The following VGLL4 variants were observed in gnomAD, a reference collection of about 807,000 sequenced individuals.
The protein encoded by VGLL4 is vestigial like family member 4, also known as transcription cofactor vestigial-like protein 4.
VGLL4 carries 7 observed loss-of-function variants against 21.0 expected under a neutral mutation model. That is an observed-to-expected ratio of 0.33 (90% CI 0.19 to 0.63). VGLL4 has a LOEUF of 0.63. Among genes scored for constraint, VGLL4 ranks in the 20% least tolerant of loss-of-function variants. The pLI is 0.78. For synonymous variants in VGLL4, 222 were observed against 173.2 expected, an observed-to-expected ratio of 1.28 and a Z score of -2.21; for missense variants, 394 against 425.7, an observed-to-expected ratio of 0.93 and a Z score of 0.66.
chr3:11,581,493 C>T (rs555063523), intron 2 of VGLL4, among the ~76,000 whole-genome samples: 30 of 152,282 alleles, frequency 2.0e-4, no homozygotes, highest in African/African-American at 6.5e-4. Flanking sequence ...TCACTTACTC[C>T]ACTCTCCATT....
intron 2 of VGLL4, among the ~76,000 whole-genome samples, chr3:11,656,885 G>C (rs796914085): frequency 3.3e-5 from 5 of 152,318 alleles, no homozygotes; most frequent in African/African-American, 1.2e-4. Flanking sequence ...TCAGATGCCA[G>C]GAAAGAGAAG....
intron 1 of VGLL4, among the ~76,000 whole-genome samples, chr3:11,642,722 G>C (rs1180855200): frequency 6.6e-6 from 1 of 152,192 alleles, no homozygotes; most frequent in Non-Finnish European, 1.5e-5. Flanking sequence ...AGCACCTCGC[G>C]GGCAGTAGGA....
intron 2 of VGLL4, among the ~76,000 whole-genome samples, chr3:11,691,022 G>C (rs1031773707): frequency 6.6e-6 from 1 of 151,778 alleles, no homozygotes; most frequent in Non-Finnish European, 1.5e-5. Flanking sequence ...AACTATACAC[G>C]TATCTAAATC....
At chr3:11,671,289 T>C (rs2076211476) in intron 2 of VGLL4, 2 of 1,596,176 alleles carry the variant, frequency 1.3e-6, no homozygotes, top group Non-Finnish European at 1.7e-6. Context: ...TGTCTCCAAC[T>C]TTTGAGTGCA....
intron 3 of VGLL4, 137 bp from the exon 4 acceptor site, chr3:11,559,592 G>A (rs777091267): frequency 4.6e-6 from 6 of 1,310,228 alleles, no homozygotes; most frequent in Non-Finnish European, 6.0e-6. Flanking sequence ...CTTCAATACT[G>A]GAGTCCTGTT....
chr3:11,591,817 G>A (rs1156951306), intron 2 of VGLL4, among the ~76,000 whole-genome samples: 2 of 152,246 alleles, frequency 1.3e-5, no homozygotes, highest in Non-Finnish European at 2.9e-5. Context: ...CAGAGAATCA[G>A]TTCCTCGGTG....
chr3:11,692,242 T>G (rs2125393878), intron 2 of VGLL4, among the ~76,000 whole-genome samples: 1 of 152,332 alleles, frequency 6.6e-6, no homozygotes, highest in African/African-American at 2.4e-5. Flanking sequence ...CCAGTGGATA[T>G]CCAATTTCTA....
intron 2 of VGLL4, among the ~76,000 whole-genome samples, chr3:11,669,716 A>G (rs3856804): frequency 0.29 from 44,426 of 151,834 alleles, 6,639 homozygotes; most frequent in South Asian, 0.37. Context: ...GTATCGCTCT[A>G]TAGCCCAGGC....
intron 2 of VGLL4, among the ~76,000 whole-genome samples, chr3:11,675,495 T>G (rs2076277547): frequency 6.6e-6 from 1 of 152,236 alleles, no homozygotes; most frequent in Non-Finnish European, 1.5e-5. Flanking sequence ...CCAACTCAGA[T>G]GTGTTTGTTC....
At chr3:11,670,849 C>T (rs2076200395) in intron 2 of VGLL4, among the ~76,000 whole-genome samples, 1 of 152,076 alleles carries the variant, frequency 6.6e-6, no homozygotes, top group Admixed American at 6.5e-5. Flanking sequence ...ACCAGCCTGG[C>T]CAACATGATG....
intron 2 of VGLL4, among the ~76,000 whole-genome samples, chr3:11,567,164 G>C (rs144646193): frequency 2.0e-5 from 3 of 152,116 alleles, no homozygotes; most frequent in Non-Finnish European, 4.4e-5. Flanking sequence ...TTAGTGACCC[G>C]AGGCGTTCCG....
intron 2 of VGLL4, among the ~76,000 whole-genome samples, chr3:11,685,034 C>G (rs114615672): frequency 0.031 from 4,687 of 152,096 alleles, 234 homozygotes; most frequent in African/African-American, 0.11. Flanking sequence ...CTCTTTGTGT[C>G]ATGAGTTCTC....
At chr3:11,671,527 G>A (rs2076216907) in intron 2 of VGLL4, 5 of 597,238 alleles carry the variant, frequency 8.4e-6, no homozygotes, top group Non-Finnish European at 1.5e-5. Context: ...GCCCTGCAGA[G>A]CCCACCTGTA....
At position 11,702,543 on chromosome 3, in the gene VGLL4, C is replaced by T. The variant is rs1448863415; in HGVS notation, c.64+428G>A. ...ACTTGGGAGGCTGAGGCAGCAGAAT[C>T]ACTTGAACCTGGGAGGTGGAGGTTG... On this transcript the variant is annotated intron_variant, in intron 2 of 5. Coordinates refer to the VGLL4 transcript ENST00000273038. Among the ~76,000 whole-genome samples, 4 of 150,938 alleles carry T rather than the reference C, an allele frequency of 2.7e-5. No homozygotes were observed. In the South Asian group the frequency reaches 8.4e-4, roughly 32 times the overall value.
Position 11,568,752 on chromosome 3 carries a change from G to C in VGLL4, c.273-3733C>G. 6.6e-7 allele frequency: 1 copy of C among 1,515,664 alleles called. No homozygotes were observed. The highest frequency in any genetic ancestry group is 8.8e-7 in the Non-Finnish European group (1 of 1,131,392). The allele number at this position is 1,515,664 out of a possible 1,614,324, so 93.9% of individuals were successfully genotyped here. ...GCAGAAAACCGCACGCATCCTGCCC[G>C]GGAGATGGAAGTCGCCTCCGCTCCT... On this transcript the variant is annotated intron_variant, in intron 2 of 4. Coordinates refer to ENST00000430365, the MANE Select transcript of VGLL4 (RefSeq NM_001128219.3). The surrounding 1 kb of genome is among the most constrained non-coding windows in gnomAD (Gnocchi z 5.9).
At chr3:11,720,005 C>T (rs2076972356) in intron 1 of VGLL4, among the ~76,000 whole-genome samples, 1 of 152,164 alleles carries the variant, frequency 6.6e-6, no homozygotes, top group East Asian at 1.9e-4. Flanking sequence ...AATGTACAAA[C>T]ACAAACGCAC....
intron 2 of VGLL4, among the ~76,000 whole-genome samples, chr3:11,685,267 C>T (rs2076430977): frequency 6.7e-6 from 1 of 149,486 alleles, no homozygotes; most frequent in South Asian, 2.2e-4. Flanking sequence ...GGTGCGATCT[C>T]AGCTTACTGC....
intron 2 of VGLL4, among the ~76,000 whole-genome samples, chr3:11,586,540 C>T (rs2074366038): frequency 6.6e-6 from 1 of 152,172 alleles, no homozygotes; most frequent in African/African-American, 2.4e-5. Context: ...TTTTTTCTTG[C>T]TTAGGAATAA....
At chr3:11,701,465 T>C (rs1157554026) in intron 2 of VGLL4, among the ~76,000 whole-genome samples, 2 of 152,116 alleles carry the variant, frequency 1.3e-5, no homozygotes, top group South Asian at 2.1e-4. Flanking sequence ...ACAATGTAAA[T>C]GGACTAAGAC....
Sources: gnomAD v4.1 joint callset for allele counts (sites outside exome capture counted in the v4.1 genomes callset) on GRCh38, gnomAD v4.1.1 for gene constraint, Gnocchi (gnomAD v3.1) non-coding constraint, MANE v1.5 for transcripts, NCBI Gene and HGNC (gene_info 2026-07-23, HGNC 2026-07-21) for gene names.